Variants in CNTLN observed in about 807,000 individuals in gnomAD.
CNTLN encodes centlein.
CNTLN carries 212 observed loss-of-function variants against 180.0 expected under a neutral mutation model. That is an observed-to-expected ratio of 1.18 (90% CI 1.05 to 1.32). The LOEUF is 1.32. Among genes scored for constraint, CNTLN ranks in the 40% most tolerant of loss-of-function variants. The pLI, the probability that CNTLN is intolerant of heterozygous loss-of-function variation, is 0.00. For synonymous variants in CNTLN, 722 were observed against 563.1 expected, an observed-to-expected ratio of 1.28 and a Z score of -3.99; for missense variants, 2,095 against 1,610.9, an observed-to-expected ratio of 1.30 and a Z score of -5.14.
chr9:17,252,431 A>G (rs1826200039), intron 5 of CNTLN, among the ~76,000 whole-genome samples: 1 of 151,196 alleles, frequency 6.6e-6, no homozygotes, highest in Admixed American at 6.6e-5. Flanking sequence ...CTTTAATAAT[A>G]GTCATTCGAA....
intron 16 of CNTLN, among the ~76,000 whole-genome samples, chr9:17,411,486 G>A (rs1285127828): frequency 1.3e-5 from 2 of 152,182 alleles, no homozygotes; most frequent in African/African-American, 2.4e-5. Context: ...AGAGGACCAA[G>A]TGTGGAGCTA....
At chr9:17,414,050 C>T (rs117225039) in intron 16 of CNTLN, among the ~76,000 whole-genome samples, 2 of 152,282 alleles carry the variant, frequency 1.3e-5, no homozygotes, top group East Asian at 3.9e-4. Flanking sequence ...TAACTATTGA[C>T]GTATACAATG....
intron 5 of CNTLN, among the ~76,000 whole-genome samples, chr9:17,257,326 A>G (rs62558301): frequency 0.23 from 34,677 of 152,072 alleles, 4,195 homozygotes; most frequent in South Asian, 0.36. Context: ...TTAAGGCTGC[A>G]TAGTATTCCA....
rs530556596 is a variant in CNTLN at position 17,252,990 on chromosome 9, G to C, written c.849+16402G>C. Among the ~76,000 whole-genome samples, 8 of 151,662 alleles carry C rather than the reference G, an allele frequency of 5.3e-5. No homozygotes were observed. The South Asian group carries it at 1.7e-3, about 31-fold the overall frequency. On this transcript the variant is annotated intron_variant, in intron 5 of 25. Transcript: ENST00000380647. ...TCATTCTTTTACTCATGGTTATCTAGTTTTTCTAGCACCATTTATTGAAGA... is the reference window on the plus strand; with the variant it reads ...TCATTCTTTTACTCATGGTTATCTACTTTTTCTAGCACCATTTATTGAAGA...
chr9:17,508,841 C>T (rs2208491), downstream of CNTLN, among the ~76,000 whole-genome samples: 115,278 of 152,138 alleles, frequency 0.76, 43,914 homozygotes, highest in East Asian at 0.97. Flanking sequence ...CAATTACACA[C>T]CACTCTTGAA....
chr9:17,143,397 T>A lies in CNTLN; in HGVS notation c.449+21T>A, dbSNP rs756215010. ...GAAAGGTGAGCTCTCAAATTATTTT[T>A]TCATGAGTATTTGGTGTGTTGAGTT... On this transcript the variant is annotated intron_variant, in intron 2 of 25. Coordinates refer to ENST00000380647, the MANE Select transcript of CNTLN (RefSeq NM_017738.4). 2.6e-6 allele frequency: 4 copies of A among 1,563,772 alleles called. No homozygotes were observed. In the South Asian group the frequency reaches 4.5e-5, roughly 17 times the overall value.
intron 18 of CNTLN, among the ~76,000 whole-genome samples, chr9:17,436,851 T>G (rs973904605): frequency 6.6e-6 from 1 of 152,250 alleles, no homozygotes; most frequent in Admixed American, 6.5e-5. Context: ...AGTAGAAAAC[T>G]ACTCTTTTTG....
At chr9:17,377,479 TG>T (rs1192084501) in intron 13 of CNTLN, among the ~76,000 whole-genome samples, 3 of 152,132 alleles carry the variant, frequency 2.0e-5, no homozygotes, top group Non-Finnish European at 4.4e-5. Flanking sequence ...GGGCAGAGGT[TG>T]CAGTGAGCCA....
intron 2 of CNTLN, among the ~76,000 whole-genome samples, chr9:17,161,215 T>C (rs1275819095): frequency 2.0e-5 from 3 of 152,116 alleles, no homozygotes; most frequent in Admixed American, 6.5e-5. Context: ...TTTATTCTTA[T>C]AAATTTGTAG....
At chr9:17,371,428 AAT>A (rs1168775058) in intron 13 of CNTLN, among the ~76,000 whole-genome samples, 1 of 152,160 alleles carries the variant, frequency 6.6e-6, no homozygotes, top group East Asian at 1.9e-4. Context: ...CATAGTTGTA[AAT>A]ATATATTCAC....
chr9:17,309,351 AT>A, intron 8 of CNTLN, 99 bp downstream of exon 8: 1 of 949,944 alleles, frequency 1.1e-6, no homozygotes, highest in Non-Finnish European at 1.5e-6. Context: ...ATTTGCATTT[AT>A]TGGAGTATAA....
In CNTLN at chr9:17,185,426, A is replaced by G. The variant is rs551158103; in HGVS notation, c.450-40777A>G. Among the ~76,000 whole-genome samples the G allele has an allele frequency of 1.9e-4, 29 of 152,342 alleles. 2 individuals are homozygous for G. The South Asian group carries it at 5.8e-3, about 30-fold the overall frequency. On this transcript the variant is annotated intron_variant, in intron 2 of 25. Transcript: ENST00000380647. The stretch of plus-strand genomic sequence containing the variant: ...TTCCTAACTAGCATGTTGGCACAGC[A>G]TTGTTTCTAAGATAAGTCACTATTT...
In CNTLN at chr9:17,502,791, A is replaced by T. The variant is rs1588126852; in HGVS notation, c.*139A>T. On this transcript the variant is annotated 3_prime_UTR_variant, in exon 26 of 26. Coordinates refer to ENST00000380647, the MANE Select transcript of CNTLN (RefSeq NM_017738.4). ...AATACCAAAATAAGAAGTCTCTGAA[A>T]ATAATTAATTGCTGAACAAGTGAAA... is the stretch of plus-strand genomic sequence containing the variant. 2.4e-6 allele frequency: 1 copy of T among 408,450 alleles called. No homozygotes were observed. Among genetic ancestry groups the T allele is most frequent in the East Asian group, 4.2e-5 (1 of 24,028 alleles). 25.3% of individuals were successfully genotyped at this position (408,450 alleles called of 1,614,324 possible).
intron 2 of CNTLN, among the ~76,000 whole-genome samples, chr9:17,161,737 C>T (rs1230599426): frequency 6.6e-6 from 1 of 152,176 alleles, no homozygotes; most frequent in East Asian, 1.9e-4. Flanking sequence ...ATTTTGTAGA[C>T]TTATCCAACA....
intron 16 of CNTLN, among the ~76,000 whole-genome samples, chr9:17,414,861 G>A (rs572629130): frequency 2.1e-4 from 32 of 152,256 alleles, no homozygotes; most frequent in East Asian, 1.2e-3. Flanking sequence ...AGGCCGAGGC[G>A]AGTGGCTCAC....
the CNTLN span, among the ~76,000 whole-genome samples, chr9:17,526,850 CT>C: frequency 0.043 from 6,340 of 149,090 alleles, 400 homozygotes; most frequent in African/African-American, 0.14. Context: ...CCTAATCTCT[CT>C]TTTTTTTTTG....
At chr9:17,282,090 G>C (rs1009177335) in intron 6 of CNTLN, among the ~76,000 whole-genome samples, 4 of 152,150 alleles carry the variant, frequency 2.6e-5, no homozygotes, top group African/African-American at 9.7e-5. Context: ...AGCCTCCTGA[G>C]TAGCTGGGAC....
At chr9:17,316,782 T>A (rs571047702) in intron 8 of CNTLN, among the ~76,000 whole-genome samples, 1 of 152,260 alleles carries the variant, frequency 6.6e-6, no homozygotes, top group South Asian at 2.1e-4. Flanking sequence ...CCTTTGTTTT[T>A]CTTTTACTAT....
chr9:17,458,229 A>G (rs552755543), intron 19 of CNTLN, among the ~76,000 whole-genome samples: 2 of 151,922 alleles, frequency 1.3e-5, no homozygotes, highest in South Asian at 4.2e-4. Flanking sequence ...GAGAAAAAAA[A>G]AAAAAGAATC....
Sources: gnomAD v4.1 joint callset for allele counts (sites outside exome capture counted in the v4.1 genomes callset) on GRCh38, gnomAD v4.1.1 for gene constraint, MANE v1.5 for transcripts, NCBI Gene and HGNC (gene_info 2026-07-23, HGNC 2026-07-21) for gene names.